The following DDC variants were observed in gnomAD, a reference collection of about 807,000 sequenced individuals.
The protein encoded by DDC is dopa decarboxylase.
DDC carries 43 observed loss-of-function variants against 60.0 expected under a neutral mutation model. The observed-to-expected ratio is 0.72, with a 90% CI of 0.56 to 0.92. DDC has a LOEUF of 0.92. Among genes scored for constraint, DDC ranks in the 40% least tolerant of loss-of-function variants. The probability of loss-of-function intolerance (pLI) is 0.00; values close to 1 mark genes in which losing one functional copy is unlikely to be tolerated. For missense variants in DDC, 573 were observed against 620.2 expected (o/e 0.92, Z 0.81); for synonymous variants, 232 against 234.6 (o/e 0.99, Z 0.10).
At chr7:50,514,246 G>A (rs1368725331) in intron 6 of DDC, among the ~76,000 whole-genome samples, 1 of 152,206 alleles carries the variant, frequency 6.6e-6, no homozygotes, top group Non-Finnish European at 1.5e-5. Context: ...CTGCAGTTCA[G>A]CTCACAGGAA....
chr7:50,507,323 C>T (rs2043426356), intron 6 of DDC, among the ~76,000 whole-genome samples: 1 of 152,084 alleles, frequency 6.6e-6, no homozygotes, highest in South Asian at 2.1e-4. Flanking sequence ...CTGCAACCTC[C>T]ACCTCCTGGG....
At chr7:50,514,363 C>A (rs991615437) in intron 6 of DDC, among the ~76,000 whole-genome samples, 33 of 152,090 alleles carry the variant, frequency 2.2e-4, no homozygotes, top group African/African-American at 7.7e-4. Flanking sequence ...CCTGACAGAG[C>A]CTACACAAAT....
intron 6 of DDC, among the ~76,000 whole-genome samples, chr7:50,522,126 C>A (rs1285021045): frequency 6.6e-6 from 1 of 151,472 alleles, no homozygotes; most frequent in Non-Finnish European, 1.5e-5. Context: ...TAATTGTTTT[C>A]TTATCATCCA....
At chr7:50,565,249 A>G (rs1397898144) in intron 1 of DDC, 36 bp downstream of exon 1, 3 of 152,222 alleles carry the variant, frequency 2.0e-5, no homozygotes, top group African/African-American at 7.2e-5. Flanking sequence ...GTTTTCCACT[A>G]CTACAATCTG....
At chr7:50,486,173 C>G (rs1451372) in intron 9 of DDC, among the ~76,000 whole-genome samples, 83,715 of 151,922 alleles carry the variant, frequency 0.55, 23,247 homozygotes, top group Admixed American at 0.62. Flanking sequence ...CAAAAAACAG[C>G]TCTCATTCTC....
At chr7:50,540,479 A>AAAAC (rs1368823585) in intron 2 of DDC, among the ~76,000 whole-genome samples, 1 of 104,940 alleles carries the variant, frequency 9.5e-6, no homozygotes, top group African/African-American at 3.6e-5. Flanking sequence ...GTCTCCATTA[A>AAAAC]AAACAAACAA....
intron 11 of DDC, among the ~76,000 whole-genome samples, chr7:50,470,469 C>T (rs987224334): frequency 3.9e-5 from 6 of 152,248 alleles, no homozygotes; most frequent in African/African-American, 1.4e-4. Flanking sequence ...AGACCTTGGG[C>T]TGTCCCCTAG....
At chr7:50,490,158 T>C (rs1176136659) in intron 9 of DDC, among the ~76,000 whole-genome samples, 1 of 152,168 alleles carries the variant, frequency 6.6e-6, no homozygotes, top group Non-Finnish European at 1.5e-5. Context: ...CTTGAGAAAA[T>C]AAGGGTGACC....
chr7:50,555,981 A>G (rs2045174363), intron 1 of DDC, among the ~76,000 whole-genome samples: 1 of 152,220 alleles, frequency 6.6e-6, no homozygotes, highest in South Asian at 2.1e-4. Context: ...CAGGATTAGA[A>G]ACTTGTAATA....
At chr7:50,492,787 G>C in intron 9 of DDC, 1 of 1,459,228 alleles carries the variant, frequency 6.9e-7, no homozygotes. Context: ...TCACAGGCTG[G>C]TGGCTGAACT....
intron 8 of DDC, among the ~76,000 whole-genome samples, chr7:50,497,531 G>A (rs966514282): frequency 1.3e-5 from 2 of 152,156 alleles, no homozygotes; most frequent in African/African-American, 2.4e-5. Context: ...AACTGTCCCA[G>A]GACAGATGTT....
At chr7:50,559,302 AC>A (rs138633357) in intron 1 of DDC, among the ~76,000 whole-genome samples, 4,333 of 152,204 alleles carry the variant, frequency 0.028, 97 homozygotes, top group South Asian at 0.068. Flanking sequence ...TGGGATTCTA[AC>A]CTTTTCTACG....
chr7:50,484,457 T>C (rs1001838797), intron 9 of DDC, among the ~76,000 whole-genome samples: 9 of 152,234 alleles, frequency 5.9e-5, no homozygotes, highest in Non-Finnish European at 1.3e-4. Context: ...GTTGCATGTT[T>C]CTTTTTGTTC....
At chr7:50,543,453 G>A in intron 2 of DDC, 5 of 297,610 alleles carry the variant, frequency 1.7e-5, no homozygotes, top group Non-Finnish European at 1.3e-5. Flanking sequence ...TAAAGAAAAC[G>A]TTTCTTCCAC....
At chr7:50,478,563 C>T (rs4580999) in intron 10 of DDC, among the ~76,000 whole-genome samples, 84,451 of 152,052 alleles carry the variant, frequency 0.56, 23,639 homozygotes, top group Admixed American at 0.62. Context: ...AAGTTCCTAT[C>T]TGCTTCTCCG....
chr7:50,488,568 A>G (rs1295793345), intron 9 of DDC, among the ~76,000 whole-genome samples: 1 of 152,276 alleles, frequency 6.6e-6, no homozygotes, highest in South Asian at 2.1e-4. Context: ...AGAAACTCCA[A>G]GTATTCAGTA....
At chr7:50,484,398 A>G (rs79796223) in intron 9 of DDC, among the ~76,000 whole-genome samples, 11,982 of 151,950 alleles carry the variant, frequency 0.079, 626 homozygotes, top group South Asian at 0.14. Context: ...CCTCTTTTCA[A>G]TTGATGTCTG....
At chr7:50,516,834 A>T (rs970792902) in intron 6 of DDC, among the ~76,000 whole-genome samples, 7 of 152,166 alleles carry the variant, frequency 4.6e-5, no homozygotes, top group African/African-American at 1.7e-4. Context: ...CCCTTAAGAC[A>T]TGGAGAAATT....
chr7:50,519,202 A>G (rs1425086838), intron 6 of DDC, among the ~76,000 whole-genome samples: 1 of 152,176 alleles, frequency 6.6e-6, no homozygotes, highest in African/African-American at 2.4e-5. Context: ...ATACCACCTT[A>G]CTCCTGCAAG....
Sources: allele counts gnomAD v4.1 joint callset (sites outside exome capture counted in the v4.1 genomes callset), GRCh38; gene constraint gnomAD v4.1.1; transcripts MANE v1.5; gene names NCBI Gene and HGNC (gene_info 2026-07-23, HGNC 2026-07-21).